The following DNPEP variants were observed in gnomAD, a reference collection of about 807,000 sequenced individuals.
DNPEP encodes aspartyl aminopeptidase.
DNPEP carries 46 observed loss-of-function variants against 59.1 expected under a neutral mutation model. That is an observed-to-expected ratio of 0.78 (90% CI 0.61 to 0.99). The LOEUF (loss-of-function observed/expected upper bound fraction) is 0.99, where lower values mean the gene tolerates loss of function less well. Ranked by LOEUF, DNPEP falls within the 50% of genes least tolerant of loss-of-function variation. The pLI is 0.00. For synonymous variants in DNPEP, 229 were observed against 242.2 expected (o/e 0.95, Z 0.50); for missense variants, 617 against 649.9 (o/e 0.95, Z 0.55).
At chr2:219,394,146 C>T (rs1251277762) in intron 1 of DNPEP, among the ~76,000 whole-genome samples, 11 of 152,146 alleles carry the variant, frequency 7.2e-5, no homozygotes, top group Non-Finnish European at 1.6e-4. Flanking sequence ...TATGTTTTCC[C>T]GATTCCTCTC....
intron 4 of DNPEP, 115 bp from the exon 5 acceptor site, chr2:219,386,526 G>T: frequency 6.6e-7 from 1 of 1,514,372 alleles, no homozygotes; most frequent in Non-Finnish European, 9.0e-7. Flanking sequence ...AAGGCTCAAG[G>T]TGTGAAGGAA....
At position 219,387,893 on chromosome 2, in the gene DNPEP, G is replaced by A. The variant is rs887745344; in HGVS notation, c.-99C>T. 3.7e-5 allele frequency: 52 copies of A among 1,388,824 alleles called. No homozygotes were observed. Among genetic ancestry groups the A allele is most frequent in the Admixed American group, 7.4e-5 (2 of 27,176 alleles). The allele number at this position is 1,388,824 out of a possible 1,614,324, so 86.0% of individuals were successfully genotyped here. ...TGCCCCTTCAGGCCGCGCCGCACTC[G>A]TAGGCCTTCATCACGCTTCCCCGGC... On this transcript the variant is annotated 5_prime_UTR_variant, in exon 1 of 15. It adds an upstream start codon to the 5' untranslated region. Coordinates refer to ENST00000273075, the MANE Select transcript of DNPEP (RefSeq NM_012100.4).
chr2:219,380,202 C>CTTTTTTTTTTTTTTTTTT (rs71040453), intron 13 of DNPEP, among the ~76,000 whole-genome samples: 2 of 129,184 alleles, frequency 1.5e-5, no homozygotes, highest in Non-Finnish European at 1.6e-5. Context: ...TTTTTCTTTT[C>CTTTTTTTTTTTTTTTTTT]TTTTTTTTTT....
At chr2:219,385,396 C>A in intron 8 of DNPEP, 28 bp downstream of exon 8, 1 of 1,554,630 alleles carries the variant, frequency 6.4e-7, no homozygotes, top group African/African-American at 1.4e-5. Flanking sequence ...AGGCCCTTCA[C>A]CCACAGGTTC....
rs376780714 is a variant in DNPEP, at chr2:219,374,928, G to T, written c.1334C>A (p.Pro445His). 7 of 1,614,014 alleles carry T rather than the reference G, an allele frequency of 4.3e-6. No individual in the cohort carries two copies. The African/African-American group carries it at 9.3e-5, about 22-fold the overall frequency. The part of the protein sequence containing the change: ...LGLRVLDLGS[P>H]QLAMHSIREM... ...CCGGATAGAGTGCATGGCCAGTTGG[G>T]GGCTGCCTAAATCCAGCACCCGCAG... Residue 445 changes from proline (P) to histidine (H), a missense_variant, in exon 14 of 15, where the codon CCC (proline) becomes CAC (histidine). Transcript: ENST00000273075.
chr2:219,381,524 G>A (rs780155627), intron 12 of DNPEP, 21 bp downstream of exon 12: 1 of 1,614,132 alleles, frequency 6.2e-7, no homozygotes. Flanking sequence ...CAAGTCCCTA[G>A]GGAGAAATGG....
chr2:219,398,866 C>A (rs903574938), intron 1 of DNPEP, among the ~76,000 whole-genome samples: 1 of 152,144 alleles, frequency 6.6e-6, no homozygotes, highest in African/African-American at 2.4e-5. Flanking sequence ...TCTGATGCAC[C>A]CCCTCCAGGT....
rs1035596590 is a variant in DNPEP at position 219,374,843 on chromosome 2, G to A, written c.1407+12C>T. On this transcript the variant is annotated intron_variant, in intron 14 of 14. Transcript: ENST00000273075. ...AGCCCAGCTGCCAGAGAGGGTCTGG[G>A]GTGGGTGTTACCTTGAAGAGGGTGA... 6.2e-7 allele frequency: 1 copy of A among 1,609,678 alleles called. No individual in the cohort carries two copies. Among genetic ancestry groups the A allele is most frequent in the Non-Finnish European group, 8.5e-7 (1 of 1,176,326 alleles).
chr2:219,397,075 A>G (rs1954109627), intron 1 of DNPEP, among the ~76,000 whole-genome samples: 1 of 152,224 alleles, frequency 6.6e-6, no homozygotes, highest in African/African-American at 2.4e-5. Context: ...ATGCTCTTGT[A>G]TAGTTAGTGA....
rs1254623106 is a variant in DNPEP, at chr2:219,385,987, G to C, written c.571C>G (p.Pro191Ala). 2 of 1,614,010 alleles carry C rather than the reference G, an allele frequency of 1.2e-6. No homozygotes were observed. The highest frequency in any genetic ancestry group is 4.5e-5 in the East Asian group (2 of 44,898). Reference sequence around the variant, plus strand: ...TCTCACAGATGCATCTCTGTGTTGGGCCCAAAGTTCTCGTTGATATTTCGC... The same window carrying C: ...TCTCACAGATGCATCTCTGTGTTGGCCCCAAAGTTCTCGTTGATATTTCGC... ...LQRNINENFG[P>A]NTEMHLVPIL... The change falls in exon 6 of 15, where the codon CCC (proline) becomes GCC (alanine). Residue 191 changes from proline to alanine, a missense_variant. By Grantham distance (27) the Pro-to-Ala change is conservative. Transcript: ENST00000273075.
At chr2:219,388,881 C>A (rs1953963151), upstream of DNPEP, 5 of 985,298 alleles carry the variant, frequency 5.1e-6, no homozygotes, top group Non-Finnish European at 6.0e-6. Context: ...CTCTTACTGT[C>A]CCCAGTTTAT....
At chr2:219,388,604 C>T, upstream of DNPEP, 1 of 728,456 alleles carries the variant, frequency 1.4e-6, no homozygotes, top group Non-Finnish European at 1.7e-6. Context: ...GCCGCCAGGG[C>T]CCTCTGCTGC....
rs578115567 is a variant in DNPEP at position 219,374,187 on chromosome 2, C to T, written c.*105G>A. The T allele has an allele frequency of 2.5e-3, 2,777 of 1,119,186 alleles. 3 individuals are homozygous for T. Among genetic ancestry groups the T allele is most frequent in the Non-Finnish European group, 3.2e-3 (2,399 of 740,704 alleles). The allele number at this position is 1,119,186 out of a possible 1,614,324, so 69.3% of individuals were successfully genotyped here. On this transcript the variant is annotated 3_prime_UTR_variant, in exon 15 of 15. Coordinates refer to ENST00000273075, the MANE Select transcript of DNPEP (RefSeq NM_012100.4). ...CTCTAGTCTCCAAATAAGCGTAGCACGGAGAGTCTGAGTGACAATCCACTT... is the reference window on the plus strand; with the variant it reads ...CTCTAGTCTCCAAATAAGCGTAGCATGGAGAGTCTGAGTGACAATCCACTT...
intron 1 of DNPEP, 57 bp downstream of exon 1, chr2:219,387,702 G>A (rs750139350): frequency 1.0e-5 from 16 of 1,604,990 alleles, no homozygotes; most frequent in Non-Finnish European, 1.3e-5. Flanking sequence ...GGGCCCCGGA[G>A]GGCGCCGGAC....
intron 1 of DNPEP, among the ~76,000 whole-genome samples, chr2:219,399,688 T>C (rs1178947560): frequency 6.6e-6 from 1 of 152,214 alleles, no homozygotes; most frequent in Non-Finnish European, 1.5e-5. Flanking sequence ...ATGATGAGTA[T>C]TATTCTGTTA....
chr2:219,385,649 T>C lies in DNPEP; in HGVS notation c.648A>G (p.Pro216=), dbSNP rs112114380. The C allele has an allele frequency of 3.6e-5, 58 of 1,612,520 alleles. 1 individual carries two copies. In the African/African-American group the frequency reaches 4.0e-4, roughly 11 times the overall value. Residue 216 remains proline, a synonymous_variant, in exon 7 of 15, where the codon CCA becomes CCG. Transcript: ENST00000273075. ...QEELEKGTPE[P]GPLNAVDERH... is the part of the protein sequence containing the mutation. ...CTCTTACCACAGCATTGAGAGGCCC[T>C]GGCTCAGGAGTCCCCTTCTCCAGCT...
chr2:219,393,653 C>T (rs1241378968), upstream of DNPEP: 1 of 152,284 alleles, frequency 6.6e-6, no homozygotes. Flanking sequence ...TATTGCATCT[C>T]CTGGGCCATT....
chr2:219,380,052 T>C (rs1953524001), intron 13 of DNPEP, among the ~76,000 whole-genome samples: 1 of 152,160 alleles, frequency 6.6e-6, no homozygotes, highest in Admixed American at 6.5e-5. Flanking sequence ...TCTGCAATAG[T>C]GTACAGTAAT....
At chr2:219,387,716 G>T in intron 1 of DNPEP, 43 bp downstream of exon 1, 4 of 1,607,362 alleles carry the variant, frequency 2.5e-6, no homozygotes, top group Non-Finnish European at 3.4e-6. Flanking sequence ...GCCGGACCCG[G>T]TCTGGGATCG....
Sources: allele counts gnomAD v4.1 joint callset (sites outside exome capture counted in the v4.1 genomes callset), GRCh38; gene constraint gnomAD v4.1.1; transcripts MANE v1.5; gene names NCBI Gene and HGNC (gene_info 2026-07-23, HGNC 2026-07-21).